The following LAMA3 variants were observed in gnomAD, a reference collection of about 807,000 sequenced individuals.
LAMA3 encodes the protein laminin subunit alpha 3.
Under a neutral mutation model 402.0 loss-of-function variants are expected in LAMA3, and 281 were observed. The observed-to-expected ratio is 0.70, with a 90% CI of 0.63 to 0.77. The LOEUF (loss-of-function observed/expected upper bound fraction) is 0.77. Among genes scored for constraint, LAMA3 ranks in the 30% least tolerant of loss-of-function variants. The probability of loss-of-function intolerance (pLI) is 0.00; values close to 1 mark genes in which losing one functional copy is unlikely to be tolerated. For synonymous variants in LAMA3, 1,431 were observed against 1,558.4 expected (o/e 0.92, Z 1.93); for missense variants, 3,840 against 4,215.5 (o/e 0.91, Z 2.47).
At chr18:23,863,243 A>G (rs1467660286) in intron 35 of LAMA3, among the ~76,000 whole-genome samples, 2 of 152,262 alleles carry the variant, frequency 1.3e-5, no homozygotes, top group Non-Finnish European at 2.9e-5. Context: ...CAGGAGTTTG[A>G]GACCAGTCTG....
chr18:23,858,613 A>G (rs2064140844), intron 33 of LAMA3, 76 bp from the exon 34 acceptor site: 1 of 1,339,668 alleles, frequency 7.5e-7, no homozygotes, highest in Non-Finnish European at 1.1e-6. Flanking sequence ...TTGGTATTTA[A>G]TTTGTGCAAG....
At chr18:23,894,806 G>A (rs577596645) in intron 43 of LAMA3, 101 bp from the exon 44 acceptor site, 75 of 1,472,256 alleles carry the variant, frequency 5.1e-5, no homozygotes, top group Non-Finnish European at 3.1e-5. Flanking sequence ...CACCCGTGAC[G>A]ATCTGCGTGC....
intron 67 of LAMA3, among the ~76,000 whole-genome samples, chr18:23,936,864 C>T (rs2082326839): frequency 6.6e-6 from 1 of 152,196 alleles, no homozygotes; most frequent in African/African-American, 2.4e-5. Context: ...TGGAATCACA[C>T]CCTGGGGCCA....
At chr18:23,782,041 A>T (rs2062447499) in intron 11 of LAMA3, among the ~76,000 whole-genome samples, 1 of 152,202 alleles carries the variant, frequency 6.6e-6, no homozygotes, top group African/African-American at 2.4e-5. Flanking sequence ...TCCACAACTT[A>T]GTTACTAACG....
intron 67 of LAMA3, 86 bp from the exon 68 acceptor site, chr18:23,939,137 A>T (rs1174088166): frequency 7.2e-7 from 1 of 1,389,882 alleles, no homozygotes; most frequent in African/African-American, 1.4e-5. Context: ...ACTTAGGATC[A>T]AGGGTGAAAA....
In LAMA3 at chr18:23,921,490, G is replaced by T. The variant is rs761991374; in HGVS notation, c.8082G>T (p.Trp2694Cys). 6.2e-7 allele frequency: 1 copy of T among 1,613,886 alleles called. No individual in the cohort carries two copies. Among genetic ancestry groups the T allele is most frequent in the Non-Finnish European group, 8.5e-7 (1 of 1,179,856 alleles). The stretch of plus-strand genomic sequence containing the variant: ...TTGGAAAACTCCAAAAGCGTATGTG[G>T]ATAAATGTGGACGTTCAAAACACTA... Reference protein sequence around the residue: ...IKIGKLQKRMWINVDVQNTII... With the variant: ...IKIGKLQKRMCINVDVQNTII... The change falls in exon 62 of 75, where the codon TGG becomes TGT. Residue 2694 changes from tryptophan to cysteine, a missense_variant. Trp to Cys is a radical substitution (Grantham distance 215). This residue lies in a region of LAMA3 where 840 missense variants were observed against 981.9 expected (regional missense o/e 0.86). Transcript: ENST00000313654.
intron 57 of LAMA3, 25 bp downstream of exon 57, chr18:23,914,586 G>A: frequency 6.2e-7 from 1 of 1,613,056 alleles, no homozygotes. Context: ...GACTGTACCT[G>A]TGCTCACCAA....
At chr18:23,856,921 C>CCTG (rs893589403) in intron 32 of LAMA3, among the ~76,000 whole-genome samples, 11 of 152,030 alleles carry the variant, frequency 7.2e-5, no homozygotes, top group Non-Finnish European at 1.0e-4. Flanking sequence ...GACTTGACAT[C>CCTG]CTGCTGCTGC....
At chr18:23,703,474 G>A (rs2060827738) in intron 1 of LAMA3, among the ~76,000 whole-genome samples, 1 of 152,106 alleles carries the variant, frequency 6.6e-6, no homozygotes, top group Non-Finnish European at 1.5e-5. Context: ...GAGTTAAATG[G>A]AATGAGTTGA....
intron 56 of LAMA3, 107 bp from the exon 57 acceptor site, chr18:23,914,303 T>C (rs2081533324): frequency 1.1e-5 from 13 of 1,133,034 alleles, no homozygotes; most frequent in Non-Finnish European, 1.6e-5. Context: ...TCTCCAAGGC[T>C]TATTGCCTAA....
At chr18:23,717,081 C>T (rs369737486) in intron 2 of LAMA3, among the ~76,000 whole-genome samples, 2 of 152,184 alleles carry the variant, frequency 1.3e-5, no homozygotes, top group East Asian at 1.9e-4. Context: ...CTAAGAAAGT[C>T]TAGGAGCAGG....
intron 2 of LAMA3, among the ~76,000 whole-genome samples, chr18:23,718,528 C>G (rs1439775802): frequency 6.6e-6 from 1 of 152,156 alleles, no homozygotes; most frequent in Non-Finnish European, 1.5e-5. Context: ...ATCCCTCACC[C>G]CCAACATCAA....
In LAMA3 at chr18:23,822,503, C is replaced by T. The variant is rs552039534; in HGVS notation, c.2428+128C>T. On this transcript the variant is annotated intron_variant, in intron 20 of 74. Transcript: ENST00000313654. Reference sequence around the variant, plus strand: ...AAGCCTGGCTCATGGTCTGGTTAGACGGTTCTCTAGGAGCCCTGTCGTTTG... The same window carrying T: ...AAGCCTGGCTCATGGTCTGGTTAGATGGTTCTCTAGGAGCCCTGTCGTTTG... The T allele has an allele frequency of 1.8e-4, 184 of 1,000,536 alleles. No individual in the cohort carries two copies. In the African/African-American group the frequency reaches 1.8e-3, roughly 10 times the overall value. 62.0% of individuals were successfully genotyped at this position (1,000,536 alleles called of 1,614,324 possible).
Position 23,894,257 on chromosome 18 carries a change from G to A in LAMA3, c.5411-41G>A, listed in dbSNP as rs776456368. 1.4e-5 allele frequency: 21 copies of A among 1,519,970 alleles called. No individual in the cohort carries two copies. In the South Asian group the frequency reaches 2.4e-4, roughly 17 times the overall value. 94.2% of individuals were successfully genotyped at this position (1,519,970 alleles called of 1,614,324 possible). Reference sequence around the variant, plus strand: ...AAGTTAAAGAGCAGATGAAAAGTAAGTTTAATAACTATGTCTTCTTTGGTT... The same window carrying A: ...AAGTTAAAGAGCAGATGAAAAGTAAATTTAATAACTATGTCTTCTTTGGTT... On this transcript the variant is annotated intron_variant, in intron 42 of 74. Coordinates refer to ENST00000313654, the MANE Select transcript of LAMA3 (RefSeq NM_198129.4).
At chr18:23,872,933 C>T in intron 38 of LAMA3, 1 of 1,404,610 alleles carries the variant, frequency 7.1e-7, no homozygotes, top group Non-Finnish European at 9.9e-7. Context: ...GCCCCTGCCG[C>T]AGACAGCCTT....
intron 70 of LAMA3, among the ~76,000 whole-genome samples, chr18:23,948,857 A>G (rs2082803611): frequency 6.6e-6 from 1 of 152,210 alleles, no homozygotes; most frequent in Non-Finnish European, 1.5e-5. Flanking sequence ...GGTGTGAGCC[A>G]CTGTGCCTGG....
chr18:23,703,690 C>A (rs920221169), intron 1 of LAMA3, among the ~76,000 whole-genome samples: 2 of 151,750 alleles, frequency 1.3e-5, no homozygotes, highest in African/African-American at 4.8e-5. Context: ...TACCTGGAAC[C>A]AACTTTGAGT....
chr18:23,794,074 G>A (rs189841069), intron 12 of LAMA3, among the ~76,000 whole-genome samples: 1 of 152,326 alleles, frequency 6.6e-6, no homozygotes, highest in Admixed American at 6.5e-5. Flanking sequence ...CCCTCCCTGG[G>A]CCCCACCCTC....
chr18:23,758,354 A>G (rs750357828), intron 6 of LAMA3, 42 bp from the exon 7 acceptor site: 3 of 1,512,598 alleles, frequency 2.0e-6, no homozygotes, highest in Non-Finnish European at 1.8e-6. Context: ...ATCCTCATCA[A>G]AACTTTTCAA....
Sources: gnomAD v4.1 joint callset for allele counts (sites outside exome capture counted in the v4.1 genomes callset) on GRCh38, gnomAD v4.1.1 for gene constraint, gnomAD v4.1.1 regional missense constraint, MANE v1.5 for transcripts, NCBI Gene and HGNC (gene_info 2026-07-23, HGNC 2026-07-21) for gene names.